Variants in RIOK3 observed in about 807,000 individuals in gnomAD.
The protein encoded by RIOK3 is serine/threonine-protein kinase RIO3.
RIOK3 carries 40 observed loss-of-function variants against 63.5 expected under a neutral mutation model. The observed-to-expected ratio is 0.63, with a 90% CI of 0.49 to 0.82. The LOEUF is 0.82. Among genes scored for constraint, RIOK3 ranks in the 40% least tolerant of loss-of-function variants. RIOK3 has a pLI of 0.00. For missense variants in RIOK3, 557 were observed against 637.0 expected, an observed-to-expected ratio of 0.87 and a Z score of 1.35; for synonymous variants, 193 against 205.0, an observed-to-expected ratio of 0.94 and a Z score of 0.50.
At position 23,463,966 on chromosome 18, in the gene RIOK3, G is replaced by C; in HGVS notation, c.180-1G>C. ...AGTTTATATTGCCTTATTTTGAATAGTGTTGCTGAAGGACCATTTATTACT... is the reference window on the plus strand; with the variant it reads ...AGTTTATATTGCCTTATTTTGAATACTGTTGCTGAAGGACCATTTATTACT... On this transcript the variant is annotated splice_acceptor_variant, in intron 2 of 12. Coordinates refer to ENST00000339486, the MANE Select transcript of RIOK3 (RefSeq NM_003831.5). LOFTEE classifies it high-confidence loss of function. 1 of 1,600,588 alleles carries C rather than the reference G, an allele frequency of 6.2e-7. No homozygotes were observed. Among genetic ancestry groups the C allele is most frequent in the Non-Finnish European group, 8.5e-7 (1 of 1,175,848 alleles).
intron 9 of RIOK3, 62 bp downstream of exon 9, chr18:23,475,169 A>G: frequency 7.0e-7 from 1 of 1,435,730 alleles, no homozygotes; most frequent in East Asian, 2.3e-5. Context: ...TCTAAACTTT[A>G]AAAAAATTTC....
At position 23,464,058 on chromosome 18, in the gene RIOK3, G is replaced by T. The variant is rs749130806; in HGVS notation, c.271G>T (p.Glu91Ter). 6.2e-7 allele frequency: 1 copy of T among 1,613,588 alleles called. No homozygotes were observed. The highest frequency in any genetic ancestry group is 1.7e-5 in the Admixed American group (1 of 59,900). The change falls in exon 3 of 13, where the codon GAA (glutamate) becomes TAA (stop). Residue 91 changes from glutamate to a stop codon, truncating the protein, a stop_gained. Transcript: ENST00000339486. LOFTEE classifies it high-confidence loss of function. ...AQMLQMEYDR[E>*]YDAQLRREEK... ...GATGCTACAGATGGAATATGACAGA[G>T]AATATGATGCACAGCTTAGGCGTGA...
At chr18:23,475,993 C>A (rs1331830266) in intron 9 of RIOK3, among the ~76,000 whole-genome samples, 1 of 138,410 alleles carries the variant, frequency 7.2e-6, no homozygotes, top group Non-Finnish European at 1.5e-5. Flanking sequence ...CACTATGTTG[C>A]CCAGGCTGGT....
chr18:23,460,729 A>G (rs926975031), intron 1 of RIOK3, among the ~76,000 whole-genome samples: 1 of 152,356 alleles, frequency 6.6e-6, no homozygotes, highest in African/African-American at 2.4e-5. Context: ...GCTAAACAGC[A>G]TTGTATCTTC....
At chr18:23,462,714 C>T (rs1429137951) in intron 1 of RIOK3, among the ~76,000 whole-genome samples, 1 of 152,218 alleles carries the variant, frequency 6.6e-6, no homozygotes, top group Non-Finnish European at 1.5e-5. Flanking sequence ...GATGCTTCCC[C>T]TCAGCTTTAA....
At position 23,482,362 on chromosome 18, in the gene RIOK3, T is replaced by C. The variant is rs2057540682; in HGVS notation, c.*1083T>C. ...CTGTCTCTACTAAAAATACAAAAAT[T>C]AGCCGGGTGTGGTGGCACTTCTCTG... On this transcript the variant is annotated 3_prime_UTR_variant, in exon 13 of 13. Transcript: ENST00000339486. 6.6e-6 allele frequency: 1 copy of C among 151,962 alleles called. No individual in the cohort carries two copies. The highest frequency in any genetic ancestry group is 2.1e-4 in the South Asian group (1 of 4,820). The allele number at this position is 151,962 out of a possible 1,614,324, so 9.4% of individuals were successfully genotyped here.
At chr18:23,476,825 T>C (rs1246484401) in intron 9 of RIOK3, among the ~76,000 whole-genome samples, 181 bp from the exon 10 acceptor site, 1 of 152,056 alleles carries the variant, frequency 6.6e-6, no homozygotes, top group Non-Finnish European at 1.5e-5. Context: ...GGCAGGAGAA[T>C]GGTGTGAACC....
intron 7 of RIOK3, among the ~76,000 whole-genome samples, chr18:23,469,995 C>T (rs772508913): frequency 1.4e-4 from 21 of 152,090 alleles, no homozygotes; most frequent in Non-Finnish European, 2.4e-4. Flanking sequence ...GTTATGCAAA[C>T]GAGACCTTAT....
In RIOK3 at chr18:23,467,086, C is replaced by T. The variant is rs9964009; in HGVS notation, c.688-313C>T. 1.0e-3 allele frequency among the ~76,000 whole-genome samples: 159 copies of T among 151,824 alleles called. 1 individual carries two copies. Among genetic ancestry groups the T allele is most frequent in the African/African-American group, 3.5e-3 (144 of 41,414 alleles). On this transcript the variant is annotated intron_variant, in intron 6 of 12. Transcript: ENST00000339486. ...ATCCCAGCACTTTGGGAGGCCAAGGCGGGCGGATCATGAGGTCAGGAGTTC... is the reference window on the plus strand; with the variant it reads ...ATCCCAGCACTTTGGGAGGCCAAGGTGGGCGGATCATGAGGTCAGGAGTTC...
At chr18:23,454,683 T>C (rs1423940412) in intron 1 of RIOK3, among the ~76,000 whole-genome samples, 1 of 152,254 alleles carries the variant, frequency 6.6e-6, no homozygotes, top group East Asian at 1.9e-4. Flanking sequence ...CAAATTTCAC[T>C]TACAAACTAA....
intron 1 of RIOK3, chr18:23,456,559 G>GAAAACA (rs894718052): frequency 2.0e-5 from 3 of 151,900 alleles, no homozygotes; most frequent in African/African-American, 7.3e-5. Flanking sequence ...AGTGGAAAAA[G>GAAAACA]AAAACAAACA....
Position 23,473,452 on chromosome 18 carries a change from G to C in RIOK3, c.839G>C (p.Ser280Thr), listed in dbSNP as rs376972912. The C allele has an allele frequency of 6.2e-7, 1 of 1,609,792 alleles. No individual in the cohort carries two copies. The highest frequency in any genetic ancestry group is 1.1e-5 in the South Asian group (1 of 90,524). ...GGSMEDEKED[S>T]KVIPTECAIK... ...AGCATGGAGGATGAAAAGGAAGATA[G>C]TAAAGTTATACCTACAGAATGTGCC... The change falls in exon 8 of 13, where the codon AGT (serine) becomes ACT (threonine). Residue 280 changes from serine to threonine, a missense_variant. Physicochemically the swap from Ser to Thr is moderately conservative, Grantham distance 58 (BLOSUM62 1). Transcript: ENST00000339486.
At chr18:23,467,238 T>G (rs1309706596) in intron 6 of RIOK3, among the ~76,000 whole-genome samples, 161 bp from the exon 7 acceptor site, 1 of 151,912 alleles carries the variant, frequency 6.6e-6, no homozygotes, top group South Asian at 2.1e-4. Flanking sequence ...CACTTGAACC[T>G]GGGAGGTGGA....
intron 5 of RIOK3, among the ~76,000 whole-genome samples, chr18:23,465,593 G>A (rs9957219): frequency 0.31 from 47,417 of 151,842 alleles, 7,711 homozygotes; most frequent in East Asian, 0.39. Context: ...CAATATGGTA[G>A]CCACATTTGC....
intron 1 of RIOK3, among the ~76,000 whole-genome samples, chr18:23,462,671 C>T (rs2057379640): frequency 6.6e-6 from 1 of 152,216 alleles, no homozygotes; most frequent in South Asian, 2.1e-4. Context: ...ATTACATGAA[C>T]TCATTGGCTA....
At chr18:23,475,941 C>CTTTTTTTTTTTTT (rs374984418) in intron 9 of RIOK3, among the ~76,000 whole-genome samples, 1 of 80,024 alleles carries the variant, frequency 1.2e-5, no homozygotes, top group Non-Finnish European at 2.4e-5. Flanking sequence ...TTTTTTGGGG[C>CTTTTTTTTTTTTT]TTTTTTTTTT....
Position 23,479,357 on chromosome 18 carries a change from G to C in RIOK3, c.1385G>C (p.Arg462Pro). ...GGAGTCAAGGAAGCCCTTAGTGAAC[G>C]AGAACTCTTCAATGCTGTTTCAGGC... ...KGGVKEALSE[R>P]ELFNAVSGLN... The change falls in exon 12 of 13, where the codon CGA becomes CCA. Residue 462 changes from arginine (R) to proline (P), a missense_variant. By Grantham distance (103) the Arg-to-Pro change is moderately radical (BLOSUM62 -2). Coordinates refer to ENST00000339486, the MANE Select transcript of RIOK3 (RefSeq NM_003831.5). The C allele has an allele frequency of 6.2e-7, 1 of 1,613,746 alleles. No individual in the cohort carries two copies. The highest frequency in any genetic ancestry group is 8.5e-7 in the Non-Finnish European group (1 of 1,179,728).
chr18:23,463,038 A>C lies in RIOK3; in HGVS notation c.138A>C (p.Glu46Asp). 1 of 1,610,418 alleles carries C rather than the reference A, an allele frequency of 6.2e-7. No individual in the cohort carries two copies. Among genetic ancestry groups the C allele is most frequent in the Non-Finnish European group, 8.5e-7 (1 of 1,178,748 alleles). The change falls in exon 2 of 13, where the codon GAA (glutamate) becomes GAC (aspartate). Residue 46 changes from glutamate to aspartate, a missense_variant. Glu to Asp is a conservative substitution (Grantham distance 45). This residue lies in a region of RIOK3 where 243 missense variants were observed against 275.4 expected (regional missense o/e 0.88). Coordinates refer to ENST00000339486, the MANE Select transcript of RIOK3 (RefSeq NM_003831.5). Reference sequence around the variant, plus strand: ...TAATGAGTGAACAGCTGGCCAAAGAATTGCAGTTAGAAGAAGAAGCTGCCG... The same window carrying C: ...TAATGAGTGAACAGCTGGCCAAAGACTTGCAGTTAGAAGAAGAAGCTGCCG... The part of the protein sequence containing the change: ...ADVMSEQLAK[E>D]LQLEEEAAVF...
chr18:23,480,680 C>T (rs189782523), intron 12 of RIOK3, among the ~76,000 whole-genome samples: 8 of 152,188 alleles, frequency 5.3e-5, no homozygotes, highest in African/African-American at 1.9e-4. Flanking sequence ...CATGGCAGCT[C>T]ACTCCTGTTA....
Sources: allele counts gnomAD v4.1 joint callset (sites outside exome capture counted in the v4.1 genomes callset), GRCh38; gene constraint gnomAD v4.1.1; regional missense constraint gnomAD v4.1.1; transcripts MANE v1.5; gene names NCBI Gene and HGNC (gene_info 2026-07-23, HGNC 2026-07-21).